CCDC171: variants seen among roughly 807,000 people sequenced by gnomAD.
The protein encoded by CCDC171 is coiled-coil domain-containing protein 171.
CCDC171 carries 177 observed loss-of-function variants against 168.2 expected under a neutral mutation model. The observed-to-expected ratio is 1.05, with a 90% confidence interval of 0.93 to 1.19. The LOEUF is 1.19. CCDC171 is among the 50% of genes most tolerant of loss of function. The pLI is 0.00. For synonymous variants in CCDC171, 687 were observed against 540.8 expected, an observed-to-expected ratio of 1.27 and a Z score of -3.75; for missense variants, 1,991 against 1,539.0, an observed-to-expected ratio of 1.29 and a Z score of -4.91.
At chr9:15,621,824 G>C (rs2044532895) in intron 6 of CCDC171, among the ~76,000 whole-genome samples, 1 of 152,032 alleles carries the variant, frequency 6.6e-6, no homozygotes, top group Non-Finnish European at 1.5e-5. Flanking sequence ...AAAGACACGT[G>C]GCATGCATAT....
rs1828774436 is a variant in CCDC171 at position 15,948,980 on chromosome 9, A to G, written c.3754-22629A>G. 3.3e-5 allele frequency among the ~76,000 whole-genome samples: 5 copies of G among 152,280 alleles called. No homozygotes were observed. In the South Asian group the frequency reaches 1.0e-3, roughly 32 times the overall value. On this transcript the variant is annotated intron_variant, in intron 25 of 25. Coordinates refer to ENST00000380701, the MANE Select transcript of CCDC171 (RefSeq NM_173550.4). Reference sequence around the variant, plus strand: ...GGTCTAACATTTAAGTCTTTAATCCATCTCGAATTGATTTTAGTGTAAGGT... The same window carrying G: ...GGTCTAACATTTAAGTCTTTAATCCGTCTCGAATTGATTTTAGTGTAAGGT...
At chr9:15,643,802 T>C (rs1309019198) in intron 7 of CCDC171, among the ~76,000 whole-genome samples, 4 of 152,330 alleles carry the variant, frequency 2.6e-5, no homozygotes, top group Middle Eastern at 3.4e-3. Flanking sequence ...TCTGGACAAT[T>C]CTTATCAATG....
At chr9:16,078,055 A>AACACACACAC in the CCDC171 span, among the ~76,000 whole-genome samples, 2 of 143,800 alleles carry the variant, frequency 1.4e-5, no homozygotes, top group South Asian at 2.3e-4. Flanking sequence ...CACCCATGCA[A>AACACACACAC]ACACACACAC....
intron 25 of CCDC171, among the ~76,000 whole-genome samples, chr9:15,930,587 G>A (rs1826393654): frequency 6.6e-6 from 1 of 151,630 alleles, no homozygotes. Context: ...TACTCAGTAA[G>A]TGTTTGTTAG....
chr9:16,054,607 CA>C (rs1833804345), intron 1 of CCDC171, among the ~76,000 whole-genome samples: 1 of 152,144 alleles, frequency 6.6e-6, no homozygotes, highest in African/African-American at 2.4e-5. Flanking sequence ...GGAATAGAGC[CA>C]GGGGGAGGAC....
intron 10 of CCDC171, among the ~76,000 whole-genome samples, chr9:15,686,062 C>T (rs948136326): frequency 3.3e-5 from 5 of 152,002 alleles, no homozygotes; most frequent in African/African-American, 7.2e-5. Flanking sequence ...AATATTAGCT[C>T]ATATTTTAGT....
At chr9:15,939,848 T>C (rs1827523438) in intron 25 of CCDC171, among the ~76,000 whole-genome samples, 2 of 151,944 alleles carry the variant, frequency 1.3e-5, no homozygotes, top group Non-Finnish European at 2.9e-5. Flanking sequence ...AAATGATCTG[T>C]TAAAAAAGTA....
intron 7 of CCDC171, among the ~76,000 whole-genome samples, chr9:15,655,980 A>G (rs4741528): frequency 0.49 from 74,583 of 151,968 alleles, 18,716 homozygotes; most frequent in East Asian, 0.77. Flanking sequence ...GGTGTTAGTA[A>G]TCTAAATTGG....
intron 21 of CCDC171, among the ~76,000 whole-genome samples, chr9:15,846,216 A>G (rs2060886705): frequency 6.6e-6 from 1 of 152,122 alleles, no homozygotes; most frequent in Non-Finnish European, 1.5e-5. Context: ...TTATAAAGAC[A>G]GTAGTGGTAC....
intron 5 of CCDC171, 34 bp downstream of exon 5, chr9:15,591,590 T>C (rs1587221104): frequency 3.4e-6 from 4 of 1,191,594 alleles, no homozygotes; most frequent in East Asian, 2.4e-5. Flanking sequence ...TTTTCCGATA[T>C]GTAATATTCA....
intron 3 of CCDC171, among the ~76,000 whole-genome samples, chr9:16,001,610 G>A (rs547070995): frequency 3.3e-5 from 5 of 151,794 alleles, no homozygotes; most frequent in Non-Finnish European, 7.4e-5. Context: ...TATGATGGTG[G>A]TCCCAATGGT....
intron 24 of CCDC171, 118 bp downstream of exon 24, chr9:15,874,781 GTTTC>G: frequency 9.7e-7 from 1 of 1,031,220 alleles, no homozygotes; most frequent in Non-Finnish European, 1.3e-6. Context: ...GCAAATAGAT[GTTTC>G]TTCATTTTTC....
rs184392185 is a variant in CCDC171, at chr9:15,618,716, G to C, written c.676-4551G>C. On this transcript the variant is annotated intron_variant, in intron 6 of 25. Coordinates refer to ENST00000380701, the MANE Select transcript of CCDC171 (RefSeq NM_173550.4). ...TGGGAAAAGCGTAGTACTCAGGGCGGGTAGCACAGTCCCTCCCCACTTCCC... is the reference window on the plus strand; with the variant it reads ...TGGGAAAAGCGTAGTACTCAGGGCGCGTAGCACAGTCCCTCCCCACTTCCC... 7.6e-4 allele frequency among the ~76,000 whole-genome samples: 116 copies of C among 152,266 alleles called. 1 individual carries two copies. The highest frequency in any genetic ancestry group is 2.6e-3 in the African/African-American group (110 of 41,562).
rs564236412 is a variant in CCDC171, at chr9:15,990,129, G to T, written n.369-30460G>T. Among the ~76,000 whole-genome samples, 7 of 152,220 alleles carry T rather than the reference G, an allele frequency of 4.6e-5. No individual in the cohort carries two copies. The South Asian group carries it at 1.0e-3, about 23-fold the overall frequency. ...GCAACTCCAAGACACATAATTGTCA[G>T]ATTCACCAAAGTTGAAATGAAGGAA... On this transcript the variant is annotated intron_variant and non_coding_transcript_variant, in intron 3 of 9. Transcript: ENST00000486641.
Position 15,659,100 on chromosome 9 carries a change from G to A in CCDC171, c.915+1881G>A, listed in dbSNP as rs1465002143. On this transcript the variant is annotated intron_variant, in intron 8 of 25. Coordinates refer to ENST00000380701, the MANE Select transcript of CCDC171 (RefSeq NM_173550.4). ...AAGTTTTGAACATGTTGACTTTGAG[G>A]AGCAGTTTAAGAGGTTCATAGTGCC... Among the ~76,000 whole-genome samples the A allele has an allele frequency of 2.6e-5, 4 of 152,148 alleles. No homozygotes were observed. The East Asian group carries it at 7.7e-4, about 29-fold the overall frequency.
chr9:15,596,754 A>T (rs1391356940), intron 6 of CCDC171, among the ~76,000 whole-genome samples: 1 of 151,794 alleles, frequency 6.6e-6, no homozygotes, highest in Non-Finnish European at 1.5e-5. Context: ...CATTTTCACG[A>T]TATTGATTCT....
intron 7 of CCDC171, among the ~76,000 whole-genome samples, chr9:15,623,825 G>GT (rs1235010990): frequency 6.6e-6 from 1 of 152,144 alleles, no homozygotes; most frequent in Non-Finnish European, 1.5e-5. Context: ...ATCATGTATG[G>GT]TTTTGTGGAA....
intron 7 of CCDC171, among the ~76,000 whole-genome samples, chr9:15,645,236 G>C (rs1312298315): frequency 6.6e-6 from 1 of 152,198 alleles, no homozygotes. Context: ...AACCCCATCT[G>C]TATGTCACCA....
At chr9:15,606,258 A>T (rs1339670058) in intron 6 of CCDC171, among the ~76,000 whole-genome samples, 1 of 152,182 alleles carries the variant, frequency 6.6e-6, no homozygotes, top group Non-Finnish European at 1.5e-5. Flanking sequence ...TCTCTTATTG[A>T]TGCACATTTT....
Sources: allele counts gnomAD v4.1 joint callset (sites outside exome capture counted in the v4.1 genomes callset), GRCh38; gene constraint gnomAD v4.1.1; transcripts MANE v1.5; gene names NCBI Gene and HGNC (gene_info 2026-07-23, HGNC 2026-07-21).